The following FILIP1L variants were observed in gnomAD, a reference collection of about 807,000 sequenced individuals.
The protein encoded by FILIP1L is filamin A interacting protein 1 like, also known as filamin A-interacting protein 1-like.
FILIP1L carries 55 observed loss-of-function variants against 96.6 expected under a neutral mutation model. That is an observed-to-expected ratio of 0.57 (90% CI 0.46 to 0.71). The LOEUF (loss-of-function observed/expected upper bound fraction) is 0.71, where lower values mean the gene tolerates loss of function less well. FILIP1L is among the 30% of genes least tolerant of loss of function. The pLI, the probability that FILIP1L is intolerant of heterozygous loss-of-function variation, is 0.00. For synonymous variants in FILIP1L, 467 were observed against 473.9 expected (o/e 0.99, Z 0.19); for missense variants, 1,304 against 1,321.2 (o/e 0.99, Z 0.20).
At chr3:100,020,264 A>T (rs2064783597) in intron 1 of FILIP1L, among the ~76,000 whole-genome samples, 1 of 152,198 alleles carries the variant, frequency 6.6e-6, no homozygotes, top group Admixed American at 6.5e-5. Context: ...TTCTGCAAAT[A>T]AATCATTTGC....
intron 1 of FILIP1L, among the ~76,000 whole-genome samples, chr3:100,081,383 G>T (rs1576032966): frequency 6.6e-6 from 1 of 152,158 alleles, no homozygotes; most frequent in South Asian, 2.1e-4. Context: ...AACCCAGCAG[G>T]ATTCTTTGAA....
chr3:99,869,205 T>A (rs1471584669), intron 4 of FILIP1L, among the ~76,000 whole-genome samples: 1 of 152,148 alleles, frequency 6.6e-6, no homozygotes, highest in African/African-American at 2.4e-5. Flanking sequence ...GGAGACAAAT[T>A]TAATTAAAGT....
chr3:100,042,043 T>G (rs1282900947), intron 1 of FILIP1L, among the ~76,000 whole-genome samples: 1 of 152,168 alleles, frequency 6.6e-6, no homozygotes, highest in Admixed American at 6.5e-5. Flanking sequence ...TGCTCCCCTT[T>G]CTCTTTATTT....
intron 4 of FILIP1L, among the ~76,000 whole-genome samples, chr3:99,893,407 C>T (rs1330674586): frequency 5.9e-5 from 9 of 152,170 alleles, no homozygotes; most frequent in Non-Finnish European, 8.8e-5. Flanking sequence ...CCTCGTGATC[C>T]GCCTGTCTCG....
chr3:99,884,949 G>T (rs1705845368), intron 4 of FILIP1L, among the ~76,000 whole-genome samples: 1 of 152,204 alleles, frequency 6.6e-6, no homozygotes, highest in Non-Finnish European at 1.5e-5. Flanking sequence ...TATTTGCTAA[G>T]GAAATTTCTT....
At chr3:99,839,692 T>C (rs944160207) in intron 5 of FILIP1L, among the ~76,000 whole-genome samples, 2 of 152,158 alleles carry the variant, frequency 1.3e-5, no homozygotes, top group African/African-American at 4.8e-5. Flanking sequence ...GAGACAGAAG[T>C]ATAAAATACT....
chr3:99,967,466 A>G (rs1708687984), intron 1 of FILIP1L, among the ~76,000 whole-genome samples: 1 of 152,202 alleles, frequency 6.6e-6, no homozygotes, highest in Non-Finnish European at 1.5e-5. Context: ...AGGAAGAAAT[A>G]TGGTACATAG....
At chr3:99,864,056 A>G (rs910463600) in intron 4 of FILIP1L, among the ~76,000 whole-genome samples, 29 of 152,246 alleles carry the variant, frequency 1.9e-4, no homozygotes, top group African/African-American at 6.8e-4. Context: ...TGTAGGATCT[A>G]TTTTTAATGG....
chr3:100,038,599 G>A (rs1359159744), intron 1 of FILIP1L, among the ~76,000 whole-genome samples: 1 of 152,146 alleles, frequency 6.6e-6, no homozygotes, highest in Non-Finnish European at 1.5e-5. Context: ...GAAGTAAATA[G>A]GATTATTCAT....
At chr3:99,936,041 TTACTC>T (rs1197043839) in intron 1 of FILIP1L, among the ~76,000 whole-genome samples, 41 of 152,164 alleles carry the variant, frequency 2.7e-4, no homozygotes, top group East Asian at 3.8e-4. Context: ...ATATTAAAAA[TTACTC>T]TACATAGTTA....
intron 1 of FILIP1L, among the ~76,000 whole-genome samples, chr3:99,978,423 T>C (rs1709029425): frequency 3.9e-5 from 6 of 152,060 alleles, no homozygotes. Flanking sequence ...GAAAATGTGG[T>C]ATATCTACAC....
chr3:100,098,210 A>G (rs531118307), intron 1 of FILIP1L, among the ~76,000 whole-genome samples: 53 of 152,300 alleles, frequency 3.5e-4, no homozygotes, highest in African/African-American at 1.3e-3. Flanking sequence ...ATTTTATGAC[A>G]GGTAAAAAAA....
chr3:100,004,759 G>T (rs933475070), intron 1 of FILIP1L, among the ~76,000 whole-genome samples: 18 of 152,174 alleles, frequency 1.2e-4, no homozygotes, highest in Non-Finnish European at 2.1e-4. Flanking sequence ...AAAAGTGGAA[G>T]CACGTAATGT....
chr3:100,085,442 CTT>C (rs1321463392), intron 1 of FILIP1L, among the ~76,000 whole-genome samples: 1 of 152,130 alleles, frequency 6.6e-6, no homozygotes, highest in African/African-American at 2.4e-5. Context: ...TGGGACTATG[CTT>C]TCTCCAAGTG....
At chr3:99,903,397 GCC>G (rs1706504379) in intron 4 of FILIP1L, among the ~76,000 whole-genome samples, 1 of 151,768 alleles carries the variant, frequency 6.6e-6, no homozygotes, top group Admixed American at 6.6e-5. Flanking sequence ...GATTACAGGC[GCC>G]TGCCACCACA....
intron 1 of FILIP1L, among the ~76,000 whole-genome samples, chr3:99,937,553 G>A (rs545637073): frequency 1.1e-3 from 166 of 152,310 alleles, no homozygotes; most frequent in African/African-American, 3.8e-3. Context: ...TTGGGCGTCA[G>A]TGAGCCTTTA....
intron 4 of FILIP1L, among the ~76,000 whole-genome samples, chr3:99,872,889 C>T (rs1319844014): frequency 1.3e-5 from 2 of 151,222 alleles, no homozygotes; most frequent in East Asian, 3.9e-4. Context: ...GATGTTAGTG[C>T]AGATGAAGGT....
chr3:99,971,804 G>A (rs761023802), intron 1 of FILIP1L, among the ~76,000 whole-genome samples: 3 of 152,118 alleles, frequency 2.0e-5, no homozygotes, highest in African/African-American at 4.8e-5. Context: ...GAACAGAGTC[G>A]GTTCCTAGCT....
intron 4 of FILIP1L, among the ~76,000 whole-genome samples, chr3:99,862,300 C>T (rs377439106): frequency 2.4e-4 from 37 of 152,162 alleles, no homozygotes; most frequent in East Asian, 1.2e-3. Context: ...AGTGAGACAA[C>T]GTCAGTCACA....
Sources: allele counts gnomAD v4.1 joint callset (sites outside exome capture counted in the v4.1 genomes callset), GRCh38; gene constraint gnomAD v4.1.1; transcripts MANE v1.5; gene names NCBI Gene and HGNC (gene_info 2026-07-23, HGNC 2026-07-21).